TRAK1: variants seen among roughly 807,000 people sequenced by gnomAD.
The protein encoded by TRAK1 is trafficking kinesin-binding protein 1.
Under a neutral mutation model 92.1 loss-of-function variants are expected in TRAK1, and 33 were observed. That is an observed-to-expected ratio of 0.36 (90% confidence interval 0.27 to 0.48). The LOEUF is 0.48. Ranked by LOEUF, TRAK1 falls within the 20% of genes least tolerant of loss-of-function variation. The pLI is 0.99. For synonymous variants in TRAK1, 521 were observed against 517.3 expected (o/e 1.01, Z -0.10); for missense variants, 1,123 against 1,257.9 (o/e 0.89, Z 1.62).
chr3:42,018,086 A>C (rs188082195), intron 1 of TRAK1, among the ~76,000 whole-genome samples: 40 of 47,926 alleles, frequency 8.3e-4, no homozygotes, highest in African/African-American at 1.7e-3. Flanking sequence ...CCTCATTGTT[A>C]CAAAAAAAAA....
rs144193274 is a variant in TRAK1, at chr3:42,105,370, A to G, written c.91+13810A>G. On this transcript the variant is annotated intron_variant, in intron 1 of 15. Coordinates refer to ENST00000327628, the MANE Select transcript of TRAK1 (RefSeq NM_001042646.3). ...CCATGGCACGAGAACTATGTGACGC[A>G]TGCACAAGCTTCAGTAGCCGATTTG... 1.7e-3 allele frequency among the ~76,000 whole-genome samples: 252 copies of G among 152,366 alleles called. 2 individuals are homozygous for G. Among genetic ancestry groups the G allele is most frequent in the African/African-American group, 5.5e-3 (228 of 41,582 alleles).
chr3:42,025,792 C>T (rs890591903), intron 1 of TRAK1, among the ~76,000 whole-genome samples: 1 of 152,132 alleles, frequency 6.6e-6, no homozygotes, highest in African/African-American at 2.4e-5. Context: ...GCTGGGGACA[C>T]CAGCTGTGCT....
At chr3:42,016,016 G>A (rs1383111547) in intron 1 of TRAK1, among the ~76,000 whole-genome samples, 5 of 152,014 alleles carry the variant, frequency 3.3e-5, no homozygotes, top group Non-Finnish European at 7.4e-5. Context: ...CAGCCAGGGC[G>A]ACAGAGCAAG....
At chr3:42,040,137 T>C (rs1344258829) in intron 1 of TRAK1, among the ~76,000 whole-genome samples, 1 of 152,224 alleles carries the variant, frequency 6.6e-6, no homozygotes, top group Non-Finnish European at 1.5e-5. Context: ...TTCCATGGAT[T>C]GTCTTTCACT....
At chr3:42,077,328 A>T (rs918748057) in intron 1 of TRAK1, among the ~76,000 whole-genome samples, 16 of 152,246 alleles carry the variant, frequency 1.1e-4, no homozygotes, top group African/African-American at 3.1e-4. Context: ...TTGCTCTGTC[A>T]TCCACACTGG....
intron 2 of TRAK1, 47 bp from the exon 3 acceptor site, chr3:42,176,767 C>T: frequency 6.4e-7 from 1 of 1,553,002 alleles, no homozygotes; most frequent in Non-Finnish European, 8.9e-7. Flanking sequence ...ATTTGTTTGG[C>T]AGGTTTGTGA....
At chr3:42,074,983 A>G (rs1704089211) in intron 1 of TRAK1, among the ~76,000 whole-genome samples, 1 of 152,074 alleles carries the variant, frequency 6.6e-6, no homozygotes, top group African/African-American at 2.4e-5. Context: ...GCATTAAATC[A>G]CTTAGGATAA....
chr3:42,013,524 G>A (rs1701387845), upstream of TRAK1, among the ~76,000 whole-genome samples: 1 of 151,410 alleles, frequency 6.6e-6, no homozygotes, highest in Non-Finnish European at 1.5e-5. This position sits in a 1 kb window ranked among gnomAD's most constrained non-coding sequence, Gnocchi z 5.1. Context: ...GTGGCCGGCG[G>A]GCATCCTGGA....
upstream of TRAK1, chr3:42,087,512 A>T (rs1471395559): frequency 6.6e-6 from 1 of 152,608 alleles, no homozygotes; most frequent in Non-Finnish European, 1.5e-5. Flanking sequence ...GTGGAGAGGA[A>T]CCACCAAAGT....
At chr3:42,088,198 T>G (rs1704782077), upstream of TRAK1, among the ~76,000 whole-genome samples, 1 of 152,248 alleles carries the variant, frequency 6.6e-6, no homozygotes, top group Admixed American at 6.5e-5. Flanking sequence ...TATATGCAAG[T>G]TGGCTTCCAG....
In TRAK1 at chr3:42,118,306, G is replaced by T. The variant is rs138097004; in HGVS notation, c.92-7114G>T. Among the ~76,000 whole-genome samples the T allele has an allele frequency of 5.0e-3, 753 of 151,642 alleles. 5 individuals are homozygous for T. Among genetic ancestry groups the T allele is most frequent in the African/African-American group, 0.017 (702 of 41,308 alleles). On this transcript the variant is annotated intron_variant, in intron 1 of 15. Coordinates refer to ENST00000327628, the MANE Select transcript of TRAK1 (RefSeq NM_001042646.3). The stretch of plus-strand genomic sequence containing the variant: ...GGAGTTTCACCATGTTGGCCAGGCT[G>T]GTTTTGAACTCCTGACCTCAAGTGA...
chr3:42,095,786 T>C (rs2148990178), intron 1 of TRAK1, among the ~76,000 whole-genome samples: 1 of 152,290 alleles, frequency 6.6e-6, no homozygotes, highest in South Asian at 2.1e-4. Context: ...TGAATATTTG[T>C]CTCCCCAAAA....
At chr3:42,097,860 G>C (rs1263580420) in intron 1 of TRAK1, among the ~76,000 whole-genome samples, 1 of 152,216 alleles carries the variant, frequency 6.6e-6, no homozygotes, top group Non-Finnish European at 1.5e-5. Flanking sequence ...CATACTGATA[G>C]GTTGGTCCAT....
Position 42,155,483 on chromosome 3 carries a change from C to T in TRAK1, c.287-21331C>T, listed in dbSNP as rs184714065. On this transcript the variant is annotated intron_variant, in intron 2 of 15. Coordinates refer to ENST00000327628, the MANE Select transcript of TRAK1 (RefSeq NM_001042646.3). ...TTTGTAGGGGTGGGAGTCTGGTCCC[C>T]TTCATAGGTGAGCTAAGGCAGTAGC... Among the ~76,000 whole-genome samples the T allele has an allele frequency of 6.6e-3, 1,011 of 152,272 alleles. 7 individuals carry two copies. Among genetic ancestry groups the T allele is most frequent in the Non-Finnish European group, 0.01 (713 of 68,030 alleles).
Position 42,068,302 on chromosome 3 carries a change from G to A in TRAK1, c.-518-18802G>A, listed in dbSNP as rs1315695790. 3.3e-5 allele frequency among the ~76,000 whole-genome samples: 5 copies of A among 152,150 alleles called. No individual in the cohort carries two copies. In the East Asian group the frequency reaches 5.8e-4, roughly 18 times the overall value. On this transcript the variant is annotated intron_variant, in intron 1 of 16. Coordinates refer to the TRAK1 transcript ENST00000487159. ...GCCTTTCAAGTAGCTGGGACTACAG[G>A]TGTGCCACCACGTCCAGCTAACTTT...
At position 42,015,592 on chromosome 3, in the gene TRAK1, G is replaced by A. The variant is rs149377895; in HGVS notation, c.-519+1475G>A. On this transcript the variant is annotated intron_variant, in intron 1 of 16. Transcript: ENST00000487159. ...TAAATGGAGGTGTCTGTAAAAGTTT[G>A]ACTGAATGACATGGGAGCGTTTTCA... Among the ~76,000 whole-genome samples, 12 of 152,264 alleles carry A rather than the reference G, an allele frequency of 7.9e-5. No homozygotes were observed. The East Asian group carries it at 2.3e-3, about 29-fold the overall frequency.
At chr3:42,048,823 C>A (rs1055888683) in intron 1 of TRAK1, among the ~76,000 whole-genome samples, 1 of 152,030 alleles carries the variant, frequency 6.6e-6, no homozygotes, top group Non-Finnish European at 1.5e-5. Context: ...CCTCAGCCTC[C>A]CAAAGTGCTG....
chr3:42,193,783 C>T (rs1399874643), intron 8 of TRAK1, 41 bp from the exon 9 acceptor site: 4 of 1,606,246 alleles, frequency 2.5e-6, no homozygotes, highest in Non-Finnish European at 2.6e-6. Flanking sequence ...TGGACTTTTA[C>T]CAAGTATCTT....
intron 2 of TRAK1, among the ~76,000 whole-genome samples, chr3:42,168,364 T>C (rs1271404414): frequency 6.6e-6 from 1 of 152,224 alleles, no homozygotes; most frequent in Non-Finnish European, 1.5e-5. Context: ...GGCTGGAATA[T>C]GGCATGGTTC....
Sources: gnomAD v4.1 joint callset for allele counts (sites outside exome capture counted in the v4.1 genomes callset) on GRCh38, gnomAD v4.1.1 for gene constraint, Gnocchi (gnomAD v3.1) non-coding constraint, MANE v1.5 for transcripts, NCBI Gene and HGNC (gene_info 2026-07-23, HGNC 2026-07-21) for gene names.